INPP5D: variants seen among roughly 807,000 people sequenced by gnomAD.
INPP5D encodes the protein inositol polyphosphate-5-phosphatase D.
A neutral mutation model predicts 122.9 loss-of-function variants in INPP5D; 33 were observed. The ratio of observed to expected loss-of-function variants is 0.27; its 90% CI spans 0.20 to 0.36. The LOEUF is 0.36. INPP5D is among the 10% of genes least tolerant of loss of function. The pLI is 1.00. For missense variants in INPP5D, 1,053 were observed against 1,412.7 expected, an observed-to-expected ratio of 0.75 and a Z score of 4.08; for synonymous variants, 584 against 576.2, an observed-to-expected ratio of 1.01 and a Z score of -0.19.
At position 233,201,602 on chromosome 2, in the gene INPP5D, C is replaced by T. The variant is rs768286133; in HGVS notation, c.2976-2524C>T. On this transcript the variant is annotated intron_variant, in intron 25 of 26. Coordinates refer to ENST00000445964, the MANE Select transcript of INPP5D (RefSeq NM_001017915.3). Reference sequence around the variant, plus strand: ...GTGTTCCAAGCACCATCAGTGTTTCCCCACCATCACCCAGACCCAAGTGCA... The same window carrying T: ...GTGTTCCAAGCACCATCAGTGTTTCTCCACCATCACCCAGACCCAAGTGCA... Among the ~76,000 whole-genome samples the T allele has an allele frequency of 5.3e-5, 8 of 152,242 alleles. No homozygotes were observed. The South Asian group carries it at 1.4e-3, about 28-fold the overall frequency.
chr2:233,155,255 GAA>G (rs1419225579), intron 9 of INPP5D, among the ~76,000 whole-genome samples: 1 of 152,114 alleles, frequency 6.6e-6, no homozygotes, highest in Non-Finnish European at 1.5e-5. Flanking sequence ...ATACAGTTTA[GAA>G]AAGCTCCGAA....
At chr2:233,162,222 A>T (rs1559327037) in intron 11 of INPP5D, among the ~76,000 whole-genome samples, 1 of 131,408 alleles carries the variant, frequency 7.6e-6, no homozygotes, top group Non-Finnish European at 1.8e-5. Context: ...TGCCAGATTT[A>T]TCAGGAGAGA....
chr2:233,091,624 T>C (rs1691995975), intron 2 of INPP5D, among the ~76,000 whole-genome samples: 2 of 152,182 alleles, frequency 1.3e-5, no homozygotes, highest in Non-Finnish European at 2.9e-5. Context: ...TTATGAGGAC[T>C]CTTGAACGTA....
chr2:233,093,313 A>C (rs745912825), intron 2 of INPP5D, among the ~76,000 whole-genome samples: 6 of 152,208 alleles, frequency 3.9e-5, no homozygotes, highest in Non-Finnish European at 5.9e-5. Context: ...GGAAACTATC[A>C]GTGTAGATAT....
intron 2 of INPP5D, among the ~76,000 whole-genome samples, chr2:233,114,067 G>A (rs1472044376): frequency 6.6e-6 from 1 of 152,006 alleles, no homozygotes; most frequent in East Asian, 1.9e-4. Flanking sequence ...CCACCAACAC[G>A]CCCAGCTAAT....
rs113172562 is a variant in INPP5D at position 233,127,523 on chromosome 2, C to CTTAG, written c.524+1606_524+1609dup. On this transcript the variant is annotated intron_variant, in intron 4 of 26. Coordinates refer to ENST00000445964, the MANE Select transcript of INPP5D (RefSeq NM_001017915.3). ...GTTAATCAGATCTCATCAGTTAGGT[C>CTTAG]TTAGTAGGTTAATTATCACATTTCT... is the stretch of plus-strand genomic sequence containing the variant. Among the ~76,000 whole-genome samples the CTTAG allele has an allele frequency of 9.4e-3, 1,430 of 152,346 alleles. 8 individuals carry two copies. Among genetic ancestry groups the CTTAG allele is most frequent in the African/African-American group, 0.013 (551 of 41,582 alleles).
intron 1 of INPP5D, among the ~76,000 whole-genome samples, chr2:233,063,389 G>A (rs1574695214): frequency 6.6e-6 from 1 of 152,226 alleles, no homozygotes; most frequent in South Asian, 2.1e-4. Flanking sequence ...GACAACGGCC[G>A]GAGTCTCCAC....
At chr2:233,077,475 T>A (rs2106207672) in intron 1 of INPP5D, among the ~76,000 whole-genome samples, 1 of 151,816 alleles carries the variant, frequency 6.6e-6, no homozygotes, top group Admixed American at 6.6e-5. Context: ...GCCTGACCAA[T>A]ATGGAGAAAC....
chr2:233,154,987 A>G (rs1226275937), intron 9 of INPP5D, among the ~76,000 whole-genome samples: 1 of 152,230 alleles, frequency 6.6e-6, no homozygotes, highest in Non-Finnish European at 1.5e-5. Flanking sequence ...CTGGCCTGCC[A>G]CACCGGGATT....
At chr2:233,171,259 A>G (rs1045363493) in intron 17 of INPP5D, 107 bp downstream of exon 17, 2 of 1,455,308 alleles carry the variant, frequency 1.4e-6, no homozygotes, top group East Asian at 2.5e-5. Flanking sequence ...CAAAAAAAAA[A>G]GGAAAGAAAA....
rs114265942 is a variant in INPP5D at position 233,072,702 on chromosome 2, A to G, written c.135-6633A>G. Reference sequence around the variant, plus strand: ...TGTCACTTCTGTTAAGTTATACGTAATTTTCAGAGAACAATCTATTTGTTG... The same window carrying G: ...TGTCACTTCTGTTAAGTTATACGTAGTTTTCAGAGAACAATCTATTTGTTG... On this transcript the variant is annotated intron_variant, in intron 1 of 26. Coordinates refer to ENST00000445964, the MANE Select transcript of INPP5D (RefSeq NM_001017915.3). 1.5e-3 allele frequency among the ~76,000 whole-genome samples: 232 copies of G among 152,208 alleles called. 1 individual carries two copies. The highest frequency in any genetic ancestry group is 2.9e-3 in the Admixed American group (45 of 15,284).
At chr2:233,130,683 G>A in intron 5 of INPP5D, 35 bp downstream of exon 5, 33 of 1,612,182 alleles carry the variant, frequency 2.0e-5, no homozygotes, top group Non-Finnish European at 2.8e-5. Flanking sequence ...GCAGGTGGGG[G>A]CGGCCACCAG....
intron 19 of INPP5D, 143 bp downstream of exon 19, chr2:233,182,642 A>C (rs1444199071): frequency 7.5e-7 from 1 of 1,329,136 alleles, no homozygotes; most frequent in African/African-American, 1.5e-5. Flanking sequence ...CAGTTTCTTC[A>C]TGTCCCAGCC....
chr2:233,139,768 G>A (rs1210378089), intron 5 of INPP5D, 74 bp from the exon 6 acceptor site: 2 of 396,736 alleles, frequency 5.0e-6, no homozygotes, highest in Non-Finnish European at 8.9e-6. Flanking sequence ...TCTCTGGCTA[G>A]AGCCCGTGCT....
At chr2:233,122,082 G>A (rs755231918) in intron 2 of INPP5D, 25 bp from the exon 3 acceptor site, 169 of 1,611,996 alleles carry the variant, frequency 1.0e-4, no homozygotes, top group Middle Eastern at 1.7e-4. Flanking sequence ...TAACATGTGC[G>A]TTTGTTTGGA....
chr2:233,198,345 C>T lies in INPP5D; in HGVS notation c.2944C>T (p.Arg982Trp), dbSNP rs373499353. 28 of 1,613,508 alleles carry T rather than the reference C, an allele frequency of 1.7e-5. No homozygotes were observed. The highest frequency in any genetic ancestry group is 8.3e-5 in the Admixed American group (5 of 60,026). ...GAAGTTTTTACCCTCAACAGCAAAC[C>T]GGGGTCTCCCTCCCAGGACACAGGA... is the stretch of plus-strand genomic sequence containing the variant. ...PKKFLPSTAN[R>W]GLPPRTQESR... is the part of the protein sequence containing the mutation. The change falls in exon 25 of 27, where the codon CGG becomes TGG. Residue 982 changes from arginine (R) to tryptophan (W), a missense_variant. By Grantham distance (101) the Arg-to-Trp change is moderately radical. Coordinates refer to ENST00000445964, the MANE Select transcript of INPP5D (RefSeq NM_001017915.3).
intron 2 of INPP5D, among the ~76,000 whole-genome samples, chr2:233,116,256 T>TAGATAG (rs1349467023): frequency 2.5e-5 from 3 of 121,928 alleles, no homozygotes; most frequent in Admixed American, 1.5e-4. Context: ...TAGATAGATA[T>TAGATAG]AGATATAGAT....
In INPP5D at chr2:233,168,440, G is replaced by A. The variant is rs557293924; in HGVS notation, c.1556-865G>A. Reference sequence around the variant, plus strand: ...TCACCTAGAGCAGGGGTTAACAAGCGTTTTCCATAGAAGGCCAGATGGTGA... The same window carrying A: ...TCACCTAGAGCAGGGGTTAACAAGCATTTTCCATAGAAGGCCAGATGGTGA... On this transcript the variant is annotated intron_variant, in intron 13 of 26. Coordinates refer to ENST00000445964, the MANE Select transcript of INPP5D (RefSeq NM_001017915.3). 1.1e-4 allele frequency among the ~76,000 whole-genome samples: 17 copies of A among 152,304 alleles called. No homozygotes were observed. The South Asian group carries it at 3.1e-3, about 28-fold the overall frequency.
In INPP5D at chr2:233,204,645, C is replaced by A; in HGVS notation, c.3495C>A (p.Thr1165=). ...HSKGRDYRDN[T]ELPHHGKHRP... is the part of the protein sequence containing the mutation. ...AGGGCCGCGACTACCGCGACAACAC[C>A]GAGCTCCCGCATCACGGCAAGCACC... The change falls in exon 26 of 27, where the codon ACC becomes ACA. Residue 1165 remains threonine, a synonymous_variant. Coordinates refer to ENST00000445964, the MANE Select transcript of INPP5D (RefSeq NM_001017915.3). 6.3e-7 allele frequency: 1 copy of A among 1,583,894 alleles called. No individual in the cohort carries two copies. Among genetic ancestry groups the A allele is most frequent in the East Asian group, 2.3e-5 (1 of 43,378 alleles).
Sources: gnomAD v4.1 joint callset for allele counts (sites outside exome capture counted in the v4.1 genomes callset) on GRCh38, gnomAD v4.1.1 for gene constraint, MANE v1.5 for transcripts, NCBI Gene and HGNC (gene_info 2026-07-23, HGNC 2026-07-21) for gene names.